P4HB: variants seen among roughly 807,000 people sequenced by gnomAD.
The protein encoded by P4HB is protein disulfide-isomerase.
P4HB carries 20 observed loss-of-function variants against 52.6 expected under a neutral mutation model. The observed-to-expected ratio is 0.38, with a 90% confidence interval of 0.27 to 0.55. The LOEUF (loss-of-function observed/expected upper bound fraction) is 0.55, where lower values mean the gene tolerates loss of function less well. Ranked by LOEUF, P4HB falls within the 20% of genes least tolerant of loss-of-function variation. The pLI is 0.74. For missense variants in P4HB, 601 were observed against 669.2 expected, an observed-to-expected ratio of 0.90 and a Z score of 1.12; for synonymous variants, 296 against 277.9, an observed-to-expected ratio of 1.07 and a Z score of -0.65.
At chr17:81,854,807 A>C (rs1475721031) in intron 4 of P4HB, among the ~76,000 whole-genome samples, 1 of 149,734 alleles carries the variant, frequency 6.7e-6, no homozygotes, top group Non-Finnish European at 1.5e-5. Flanking sequence ...ACGCAACTGC[A>C]CTCCAGCATG....
At position 81,845,727 on chromosome 17, in the gene P4HB, C is replaced by G; in HGVS notation, c.1193G>C (p.Gly398Ala). The change falls in exon 9 of 11, where the codon GGT becomes GCT. Residue 398 changes from glycine (G) to alanine (A), a missense_variant. By Grantham distance (60) the Gly-to-Ala change is moderately conservative. Transcript: ENST00000331483. ...VFVEFYAPWC[G>A]HCKQLAPIWD... Reference sequence around the variant, plus strand: ...AATGGGAGCCAACTGTTTGCAGTGACCACACCATGGGGCATCTGAAAAGAA... The same window carrying G: ...AATGGGAGCCAACTGTTTGCAGTGAGCACACCATGGGGCATCTGAAAAGAA... The G allele has an allele frequency of 6.2e-7, 1 of 1,613,438 alleles. No individual in the cohort carries two copies. The highest frequency in any genetic ancestry group is 2.2e-5 in the East Asian group (1 of 44,876).
In P4HB at chr17:81,855,777, G is replaced by C; in HGVS notation, c.353-191C>G. The C allele has an allele frequency of 1.7e-6, 1 of 590,650 alleles. No homozygotes were observed. Among genetic ancestry groups the C allele is most frequent in the South Asian group, 2.2e-5 (1 of 44,532 alleles). 36.6% of individuals were successfully genotyped at this position (590,650 alleles called of 1,614,324 possible). A position where few individuals can be genotyped will look rare whatever the true frequency, so the allele number is the denominator to read the frequency against. ...CCTAAACCCCAGTGTACGTGAGACTGTGGTTGTGTTTATGGGGAGTGGAGA... is the reference window on the plus strand; with the variant it reads ...CCTAAACCCCAGTGTACGTGAGACTCTGGTTGTGTTTATGGGGAGTGGAGA... On this transcript the variant is annotated intron_variant, in intron 2 of 10. Coordinates refer to ENST00000331483, the MANE Select transcript of P4HB (RefSeq NM_000918.4). This position sits in a 1 kb window ranked among gnomAD's most constrained non-coding sequence, Gnocchi z 4.3.
In P4HB at chr17:81,846,965, G is replaced by A. The variant is rs542907429; in HGVS notation, c.837C>T (p.Ala279=). The stretch of plus-strand genomic sequence containing the variant: ...AGCTCACCTTGCCCTTGAAGCTCTC[G>A]GCTGCTGTTTTGAAGTTGCTCAGTT... The part of the protein sequence containing the change: ...DGKLSNFKTA[A]ESFKGKILFI... Residue 279 remains alanine (A), a synonymous_variant, in exon 6 of 11, where the codon GCC becomes GCT. Transcript: ENST00000331483. The surrounding 1 kb of genome is among the most constrained non-coding windows in gnomAD (Gnocchi z 5.7). The A allele has an allele frequency of 3.1e-5, 50 of 1,613,984 alleles. No homozygotes were observed. The highest frequency in any genetic ancestry group is 5.3e-5 in the African/African-American group (4 of 75,024).
At chr17:81,849,423 G>T (rs1422338544) in intron 4 of P4HB, among the ~76,000 whole-genome samples, 2 of 152,166 alleles carry the variant, frequency 1.3e-5, no homozygotes, top group African/African-American at 4.8e-5. Context: ...TTGAACCCAG[G>T]AGGCGGAGGT....
At chr17:81,847,535 G>C in intron 4 of P4HB, 188 bp from the exon 5 acceptor site, 1 of 604,672 alleles carries the variant, frequency 1.7e-6, no homozygotes, top group Middle Eastern at 4.4e-4. Context: ...CTCTGGTCAC[G>C]GCCTTATGGC....
rs1034404390 is a variant in P4HB, at chr17:81,845,034, C to G, written c.1446+110G>C. 2.0e-5 allele frequency: 18 copies of G among 893,664 alleles called. 1 individual carries two copies. In the Middle Eastern group the frequency reaches 7.3e-4, roughly 36 times the overall value. The allele number at this position is 893,664 out of a possible 1,614,324, so 55.4% of individuals were successfully genotyped here. On this transcript the variant is annotated intron_variant, in intron 10 of 10. Transcript: ENST00000331483. ...GGCCCCAGAGCCCTGGACGCACAGACGTGCCTCCAATGGCACCATTCCCAT... is the reference window on the plus strand; with the variant it reads ...GGCCCCAGAGCCCTGGACGCACAGAGGTGCCTCCAATGGCACCATTCCCAT...
chr17:81,845,326 C>T (rs530174706), intron 9 of P4HB, 96 bp from the exon 10 acceptor site: 59 of 1,089,486 alleles, frequency 5.4e-5, no homozygotes, highest in African/African-American at 4.8e-4. Flanking sequence ...AGAGCAGGCC[C>T]GGTCCGGTGG....
chr17:81,857,737 G>C (rs2143363999), intron 2 of P4HB, among the ~76,000 whole-genome samples: 1 of 152,318 alleles, frequency 6.6e-6, no homozygotes, highest in South Asian at 2.1e-4. Flanking sequence ...CAACTGACAG[G>C]AAAGAAACTT....
Position 81,846,041 on chromosome 17 carries a change from CAG to C in P4HB, c.1057-52_1057-51del, listed in dbSNP as rs751782521. The C allele has an allele frequency of 2.6e-6, 4 of 1,538,254 alleles. No individual in the cohort carries two copies. In the African/African-American group the frequency reaches 4.1e-5, roughly 16 times the overall value. On this transcript the variant is annotated intron_variant, in intron 7 of 10. Transcript: ENST00000331483. The surrounding 1 kb of genome is among the most constrained non-coding windows in gnomAD (Gnocchi z 5.7). ...AGGGGCGGCGATGCCTGGGGGACCA[CAG>C]AGCTCCCCAACCCTCACCCTGCCCG...
intron 4 of P4HB, among the ~76,000 whole-genome samples, chr17:81,851,685 A>G (rs765808656): frequency 6.6e-6 from 1 of 152,180 alleles, no homozygotes; most frequent in Non-Finnish European, 1.5e-5. Flanking sequence ...CTCCCTCCAG[A>G]GTGTCAGGCG....
At chr17:81,845,003 G>T (rs1407411147) in intron 10 of P4HB, 141 bp downstream of exon 10, 8 of 665,978 alleles carry the variant, frequency 1.2e-5, no homozygotes, top group Non-Finnish European at 2.1e-5. Flanking sequence ...CTGGGCGAAG[G>T]TGTGGGGCCC....
In P4HB at chr17:81,843,814, T is replaced by C; in HGVS notation, c.*198A>G. On this transcript the variant is annotated 3_prime_UTR_variant, in exon 11 of 11. Coordinates refer to ENST00000331483, the MANE Select transcript of P4HB (RefSeq NM_000918.4). ...GTGGGCTGCCTGGAGATGGATCCCTTTCCAAAAACCGAAAAGCAGAAGGAA... is the reference window on the plus strand; with the variant it reads ...GTGGGCTGCCTGGAGATGGATCCCTCTCCAAAAACCGAAAAGCAGAAGGAA... 1.6e-6 allele frequency: 1 copy of C among 612,032 alleles called. No individual in the cohort carries two copies. Among genetic ancestry groups the C allele is most frequent in the South Asian group, 1.9e-5 (1 of 52,250 alleles). The allele number at this position is 612,032 out of a possible 1,614,324, so 37.9% of individuals were successfully genotyped here. A position where few individuals can be genotyped will look rare whatever the true frequency, so the allele number is the denominator to read the frequency against.
At chr17:81,845,361 G>A in intron 9 of P4HB, 131 bp from the exon 10 acceptor site, 1 of 895,198 alleles carries the variant, frequency 1.1e-6, no homozygotes, top group East Asian at 2.6e-5. Flanking sequence ...CCAGCACATT[G>A]GGAGTTCAAA....
At chr17:81,859,028 C>G (rs778085325) in intron 2 of P4HB, 153 bp downstream of exon 2, 1 of 649,882 alleles carries the variant, frequency 1.5e-6, no homozygotes, top group Non-Finnish European at 2.7e-6. Context: ...ACCCTCAGGG[C>G]ACAAGTGGAC....
Position 81,860,505 on chromosome 17 carries a change from G to A in P4HB, c.-34C>T, listed in dbSNP as rs750952547. 1.8e-4 allele frequency: 228 copies of A among 1,242,108 alleles called. No individual in the cohort carries two copies. Among genetic ancestry groups the A allele is most frequent in the Non-Finnish European group, 2.2e-4 (219 of 991,028 alleles). 76.9% of individuals were successfully genotyped at this position (1,242,108 alleles called of 1,614,324 possible). A position where few individuals can be genotyped will look rare whatever the true frequency, so the allele number is the denominator to read the frequency against. On this transcript the variant is annotated 5_prime_UTR_variant, in exon 1 of 11. Transcript: ENST00000331483. ...CGGATCAGGCGGGGCGCTTCGGTTGGCGCCGCCGGGACAGCGGGGGCGACG... is the reference window on the plus strand; with the variant it reads ...CGGATCAGGCGGGGCGCTTCGGTTGACGCCGCCGGGACAGCGGGGGCGACG...
intron 4 of P4HB, among the ~76,000 whole-genome samples, chr17:81,853,470 A>G (rs3786149): frequency 0.17 from 25,604 of 151,950 alleles, 2,291 homozygotes; most frequent in Admixed American, 0.21. Context: ...GCTACTCGGG[A>G]GGCTGAGGCA....
rs193214106 is a variant in P4HB, at chr17:81,851,203, T to C, written c.625-3856A>G. Among the ~76,000 whole-genome samples the C allele has an allele frequency of 3.5e-4, 53 of 152,332 alleles. No homozygotes were observed. In the East Asian group the frequency reaches 0.01, roughly 29 times the overall value. On this transcript the variant is annotated intron_variant, in intron 4 of 10. Coordinates refer to ENST00000331483, the MANE Select transcript of P4HB (RefSeq NM_000918.4). Reference sequence around the variant, plus strand: ...CCTCAGCCTCCCAAAGTGCTGGGATTACAGGCATGAGCCCCTGCACCCGGC... The same window carrying C: ...CCTCAGCCTCCCAAAGTGCTGGGATCACAGGCATGAGCCCCTGCACCCGGC...
chr17:81,844,860 C>T (rs971536146), intron 10 of P4HB, among the ~76,000 whole-genome samples: 2 of 152,246 alleles, frequency 1.3e-5, no homozygotes, highest in African/African-American at 2.4e-5. Flanking sequence ...TGTGAGGAAC[C>T]GGTGCCATGT....
In P4HB at chr17:81,846,711, G is replaced by T; in HGVS notation, c.856-82C>A. 7.2e-7 allele frequency: 1 copy of T among 1,389,980 alleles called. No individual in the cohort carries two copies. Among genetic ancestry groups the T allele is most frequent in the Non-Finnish European group, 1.0e-6 (1 of 997,318 alleles). 86.1% of individuals were successfully genotyped at this position (1,389,980 alleles called of 1,614,324 possible). A position where few individuals can be genotyped will look rare whatever the true frequency, so the allele number is the denominator to read the frequency against. ...CCCTGACTTTGCTCGGAAGCAGACC[G>T]TGCTCCGGTGCCTTTTTCCTCCAAC... On this transcript the variant is annotated intron_variant, in intron 6 of 10. Coordinates refer to ENST00000331483, the MANE Select transcript of P4HB (RefSeq NM_000918.4). This position sits in a 1 kb window ranked among gnomAD's most constrained non-coding sequence, Gnocchi z 5.7.
Sources: gnomAD v4.1 joint callset for allele counts (sites outside exome capture counted in the v4.1 genomes callset) on GRCh38, gnomAD v4.1.1 for gene constraint, Gnocchi (gnomAD v3.1) non-coding constraint, MANE v1.5 for transcripts, NCBI Gene and HGNC (gene_info 2026-07-23, HGNC 2026-07-21) for gene names.